The following TUBGCP6 variants were observed in gnomAD, a reference collection of about 807,000 sequenced individuals.
TUBGCP6 encodes the protein gamma-tubulin complex component 6.
A neutral mutation model predicts 175.8 loss-of-function variants in TUBGCP6; 161 were observed. That is an observed-to-expected ratio of 0.92 (90% CI 0.81 to 1.04). The LOEUF (loss-of-function observed/expected upper bound fraction) is 1.04. Ranked by LOEUF, TUBGCP6 falls within the 50% of genes least tolerant of loss-of-function variation. The pLI, the probability that TUBGCP6 is intolerant of heterozygous loss-of-function variation, is 0.00. For missense variants in TUBGCP6, 2,572 were observed against 2,433.0 expected (o/e 1.06, Z -1.20); for synonymous variants, 1,173 against 1,030.5 (o/e 1.14, Z -2.65).
Position 50,225,719 on chromosome 22 carries a change from C to G in TUBGCP6, c.1983+75G>C, listed in dbSNP as rs1198654952. On this transcript the variant is annotated intron_variant, in intron 10 of 24. Transcript: ENST00000248846. ...CCCCATCTTGCACAGCCCTCATGTC[C>G]GCCCCACCAACCTGAGACCCCAGGA... 6.5e-6 allele frequency: 10 copies of G among 1,533,432 alleles called. No homozygotes were observed. The Admixed American group carries it at 1.5e-4, about 23-fold the overall frequency. 95.0% of individuals were successfully genotyped at this position (1,533,432 alleles called of 1,614,324 possible). A position where few individuals can be genotyped will look rare whatever the true frequency, so the allele number is the denominator to read the frequency against.
At position 50,220,286 on chromosome 22, in the gene TUBGCP6, G is replaced by A. The variant is rs765726614; in HGVS notation, c.4073C>T (p.Pro1358Leu). ...AGAGACACTGTCTCCCGGGGTGTTG[G>A]GCCACCATGGTTGGGTGGGAGCCAC... ...SDVAPTQPWW[P>L]NTPGDSVSEE... Residue 1358 changes from proline (P) to leucine (L), a missense_variant, in exon 16 of 25, where the codon CCC becomes CTC. Physicochemically the swap from Pro to Leu is moderately conservative, Grantham distance 98. Transcript: ENST00000248846. 3.2e-6 allele frequency: 5 copies of A among 1,573,262 alleles called. No individual in the cohort carries two copies. Among genetic ancestry groups the A allele is most frequent in the South Asian group, 1.2e-5 (1 of 85,670 alleles).
In TUBGCP6 at chr22:50,220,241, C is replaced by G; in HGVS notation, c.4108+10G>C. On this transcript the variant is annotated intron_variant, in intron 16 of 24. Transcript: ENST00000248846. ...GTCCCACTCCTGACCACCAGCCACCCTACTCTGACCTAGTTCTTCAGAGAC... is the reference window on the plus strand; with the variant it reads ...GTCCCACTCCTGACCACCAGCCACCGTACTCTGACCTAGTTCTTCAGAGAC... The G allele has an allele frequency of 1.3e-6, 2 of 1,546,252 alleles. No homozygotes were observed. The highest frequency in any genetic ancestry group is 8.8e-7 in the Non-Finnish European group (1 of 1,142,734).
rs569220627 is a variant in TUBGCP6 at position 50,240,881 on chromosome 22, C to T, written c.742-514G>A. On this transcript the variant is annotated intron_variant, in intron 1 of 24. Transcript: ENST00000248846. ...GTGGGCACCTGTGGTCCCAGCTACT[C>T]GGGAGGCTGAGGCAGAAGAATTGCT... 9.2e-5 allele frequency among the ~76,000 whole-genome samples: 14 copies of T among 152,124 alleles called. No individual in the cohort carries two copies. In the East Asian group the frequency reaches 2.1e-3, roughly 23 times the overall value.
At chr22:50,225,613 GTTGACACCCACCCTTCATCTCAAC>G (rs1569115713) in intron 10 of TUBGCP6, among the ~76,000 whole-genome samples, 157 bp downstream of exon 10, 1 of 64,052 alleles carries the variant, frequency 1.6e-5, no homozygotes, top group African/African-American at 9.2e-5. Context: ...TCAACTCCCC[GTTGACACCCACCCTTCATCTCAAC>G]TCCCCCTTGG....
At chr22:50,233,634 C>G (rs2147201244) in intron 2 of TUBGCP6, 108 bp from the exon 3 acceptor site, 1 of 1,101,270 alleles carries the variant, frequency 9.1e-7, no homozygotes, top group East Asian at 2.6e-5. Context: ...GGAAGTGATT[C>G]AAAACAATAA....
chr22:50,226,130 G>A lies in TUBGCP6; in HGVS notation c.1753C>T (p.Pro585Ser), dbSNP rs759505934. Residue 585 changes from proline (P) to serine (S), a missense_variant, in exon 9 of 25, where the codon CCC (proline) becomes TCC (serine). By Grantham distance (74) the Pro-to-Ser change is moderately conservative. Coordinates refer to ENST00000248846, the MANE Select transcript of TUBGCP6 (RefSeq NM_020461.4). ...LISKEVEDCV[P>S]VFLKHIAHDI... ...TGGGCAATGTGCTTCAGAAACACGG[G>A]AACACAGTCCTCCACCTCTTTGGAG... 8.7e-6 allele frequency: 14 copies of A among 1,614,048 alleles called. No homozygotes were observed. The highest frequency in any genetic ancestry group is 1.7e-5 in the Admixed American group (1 of 60,012).
chr22:50,240,425 G>A (rs2064825966), intron 1 of TUBGCP6, 58 bp from the exon 2 acceptor site: 1 of 1,593,110 alleles, frequency 6.3e-7, no homozygotes, highest in Admixed American at 1.7e-5. Flanking sequence ...TTTCATCCAA[G>A]GGCGATGAGA....
chr22:50,226,463 G>A (rs772779046), intron 7 of TUBGCP6, 85 bp from the exon 8 acceptor site: 76 of 1,300,150 alleles, frequency 5.8e-5, no homozygotes, highest in Non-Finnish European at 7.7e-5. Context: ...GGACAGGGGC[G>A]TGGCTGTCAG....
intron 2 of TUBGCP6, among the ~76,000 whole-genome samples, chr22:50,234,431 C>G (rs1308168685): frequency 6.7e-6 from 1 of 149,566 alleles, no homozygotes; most frequent in African/African-American, 2.5e-5. Context: ...CCCAAGTCCA[C>G]GGCAGCATCA....
chr22:50,234,273 CTGT>C (rs1757079471), intron 2 of TUBGCP6, among the ~76,000 whole-genome samples: 6 of 142,660 alleles, frequency 4.2e-5, no homozygotes, highest in Admixed American at 1.4e-4. Flanking sequence ...ACCCACACCC[CTGT>C]CCATGGCAGC....
chr22:50,238,623 C>T (rs1379348651), intron 2 of TUBGCP6, among the ~76,000 whole-genome samples: 2 of 150,884 alleles, frequency 1.3e-5, no homozygotes, highest in African/African-American at 4.9e-5. Flanking sequence ...CTGCAAACTC[C>T]GCCTCCCGGG....
chr22:50,231,069 G>A (rs528023948), intron 3 of TUBGCP6, among the ~76,000 whole-genome samples: 90 of 121,220 alleles, frequency 7.4e-4, no homozygotes, highest in African/African-American at 2.8e-3. Flanking sequence ...GCAACAGAGC[G>A]AGACTCTATC....
chr22:50,241,237 A>G (rs2064835022), intron 1 of TUBGCP6, among the ~76,000 whole-genome samples: 1 of 152,208 alleles, frequency 6.6e-6, no homozygotes, highest in African/African-American at 2.4e-5. Flanking sequence ...AAGTGACCAG[A>G]AGACAAGAGT....
Position 50,220,380 on chromosome 22 carries a change from G to T in TUBGCP6, c.3979C>A (p.Pro1327Thr). The T allele has an allele frequency of 6.4e-7, 1 of 1,568,512 alleles. No homozygotes were observed. The highest frequency in any genetic ancestry group is 8.7e-7 in the Non-Finnish European group (1 of 1,152,896). ...CCCGAGCTGGGGGAGGACAGAGATG[G>T]CCCCACTTCTACAGGCAGCCGTGGC... is the stretch of plus-strand genomic sequence containing the variant. ...CGPRLPVEVG[P>T]SLSSPSSGCG... Residue 1327 changes from proline (P) to threonine (T), a missense_variant, in exon 16 of 25, where the codon CCA becomes ACA. Transcript: ENST00000248846.
chr22:50,218,166 C>T (rs953111306), intron 23 of TUBGCP6, 23 bp downstream of exon 23: 11 of 1,609,840 alleles, frequency 6.8e-6, no homozygotes, highest in South Asian at 2.2e-5. Context: ...ACCACAGGGA[C>T]GCAGCCGCTG....
intron 3 of TUBGCP6, among the ~76,000 whole-genome samples, chr22:50,231,175 A>G (rs1027642554): frequency 6.6e-6 from 1 of 151,598 alleles, no homozygotes; most frequent in Non-Finnish European, 1.5e-5. Flanking sequence ...AGAGTAGGCC[A>G]AGCACAGTGG....
chr22:50,222,372 T>G, intron 14 of TUBGCP6, 82 bp downstream of exon 14: 2 of 1,573,386 alleles, frequency 1.3e-6, no homozygotes, highest in Non-Finnish European at 1.7e-6. Flanking sequence ...TAGAAGAGCA[T>G]GTAGGTTTGT....
Position 50,240,216 on chromosome 22 carries a change from T to G in TUBGCP6, c.893A>C (p.Glu298Ala). The G allele has an allele frequency of 6.2e-7, 1 of 1,613,786 alleles. No homozygotes were observed. The highest frequency in any genetic ancestry group is 1.1e-5 in the South Asian group (1 of 91,072). Residue 298 changes from glutamate (E) to alanine (A), a missense_variant, in exon 2 of 25, where the codon GAG becomes GCG. Physicochemically the swap from Glu to Ala is moderately radical, Grantham distance 107. Transcript: ENST00000248846. ...TYEASKRRCW[E>A]RVGCPPGHRE... The stretch of plus-strand genomic sequence containing the variant: ...GAAGGGCACACACCAGCCAACTCGC[T>G]CCCAGCACCTCCGCTTGCTGGCCTC...
chr22:50,219,523 A>G, intron 18 of TUBGCP6, 67 bp from the exon 19 acceptor site: 6 of 1,587,444 alleles, frequency 3.8e-6, no homozygotes, highest in Non-Finnish European at 5.1e-6. Flanking sequence ...CATCCACAGG[A>G]GATGGAGCAC....
Sources: allele counts gnomAD v4.1 joint callset (sites outside exome capture counted in the v4.1 genomes callset), GRCh38; gene constraint gnomAD v4.1.1; transcripts MANE v1.5; gene names NCBI Gene and HGNC (gene_info 2026-07-23, HGNC 2026-07-21).